Variants in CATSPER2 observed in about 807,000 individuals in gnomAD.
CATSPER2 encodes the protein cation channel sperm associated 2.
Under a neutral mutation model 68.8 loss-of-function variants are expected in CATSPER2, and 56 were observed. That is an observed-to-expected ratio of 0.81 (90% CI 0.66 to 1.02). CATSPER2 has a LOEUF of 1.02. Among genes scored for constraint, CATSPER2 ranks in the 50% least tolerant of loss-of-function variants. CATSPER2 has a pLI of 0.00. For missense variants in CATSPER2, 582 were observed against 642.0 expected (o/e 0.91, Z 1.01); for synonymous variants, 198 against 229.9 (o/e 0.86, Z 1.26).
intron 10 of CATSPER2, chr15:43,633,221 A>G: frequency 2.3e-6 from 1 of 436,442 alleles, no homozygotes; most frequent in Non-Finnish European, 4.2e-6. Context: ...CTAAGCTGTC[A>G]TCATTTCTTG....
At chr15:43,640,127 T>C (rs2086046591) in intron 5 of CATSPER2, 197 bp downstream of exon 5, 2 of 1,451,012 alleles carry the variant, frequency 1.4e-6, no homozygotes, top group East Asian at 2.5e-5. Flanking sequence ...TTGGCATTGA[T>C]GTTGTAGTTA....
At position 43,631,388 on chromosome 15, in the gene CATSPER2, G is replaced by A. The variant is rs575815506; in HGVS notation, c.1562-656C>T. ...TGGGACTACAGGCATGTGCCACAAC[G>A]TCCAGCTGATTTTTTGTATTTTAGT... On this transcript the variant is annotated intron_variant, in intron 12 of 12. Transcript: ENST00000396879. 15 of 188,662 alleles carry A rather than the reference G, an allele frequency of 8.0e-5. 1 individual carries two copies. Among genetic ancestry groups the A allele is most frequent in the African/African-American group, 3.1e-4 (13 of 41,842 alleles). 11.7% of individuals were successfully genotyped at this position (188,662 alleles called of 1,614,324 possible).
chr15:43,637,927 A>G (rs2085992693), intron 7 of CATSPER2, among the ~76,000 whole-genome samples: 1 of 151,308 alleles, frequency 6.6e-6, no homozygotes, highest in South Asian at 2.1e-4. Context: ...ATGAAGTAGC[A>G]CTGCTATTAT....
At chr15:43,648,331 T>A (rs1201527076) in intron 1 of CATSPER2, among the ~76,000 whole-genome samples, 1 of 151,832 alleles carries the variant, frequency 6.6e-6, no homozygotes, top group Admixed American at 6.6e-5. Context: ...TAATTAAAAC[T>A]CATTAAAAAC....
At chr15:43,641,784 C>T (rs1057205715) in intron 4 of CATSPER2, among the ~76,000 whole-genome samples, 4 of 151,986 alleles carry the variant, frequency 2.6e-5, no homozygotes, top group Admixed American at 6.5e-5. Context: ...TCACGGTTCA[C>T]GGAAGCCTGG....
intron 10 of CATSPER2, chr15:43,634,896 T>G (rs1433086736): frequency 5.0e-5 from 9 of 180,124 alleles, no homozygotes; most frequent in Non-Finnish European, 9.7e-5. Flanking sequence ...ATGAAGGTGT[T>G]GGCAGGGCCA....
Position 43,632,763 on chromosome 15 carries a change from G to A in CATSPER2, c.1350C>T (p.Ser450=), listed in dbSNP as rs762585148. ...YQSSSCVSST[S]SSYSSSSESR... ...ATTCAGAAGAGGAAGAATAGGAAGA[G>A]GATGTGGAGGAGACACAGGAGGAAG... Residue 450 remains serine (S), a synonymous_variant, in exon 11 of 13, where the codon TCC becomes TCT. Coordinates refer to ENST00000396879, the MANE Select transcript of CATSPER2 (RefSeq NM_172095.4). The A allele has an allele frequency of 1.7e-5, 28 of 1,613,544 alleles. No individual in the cohort carries two copies. Among genetic ancestry groups the A allele is most frequent in the Non-Finnish European group, 2.3e-5 (27 of 1,179,770 alleles).
At chr15:43,646,493 T>C (rs2086166634) in intron 4 of CATSPER2, among the ~76,000 whole-genome samples, 1 of 151,496 alleles carries the variant, frequency 6.6e-6, no homozygotes, top group African/African-American at 2.4e-5. Flanking sequence ...ATTCCTGACC[T>C]CAAGTGATTC....
At chr15:43,631,347 C>G (rs2085867666) in intron 12 of CATSPER2, 1 of 185,024 alleles carries the variant, frequency 5.4e-6, no homozygotes, top group South Asian at 1.3e-4. Flanking sequence ...TCTCATGCCT[C>G]AGCCTCCCGA....
chr15:43,632,007 A>C (rs1456540577), intron 12 of CATSPER2, among the ~76,000 whole-genome samples, 192 bp downstream of exon 12: 1 of 151,912 alleles, frequency 6.6e-6, no homozygotes, highest in African/African-American at 2.4e-5. Flanking sequence ...GTTCTCTCTC[A>C]GTTAGGGAAA....
At chr15:43,648,086 A>C in intron 1 of CATSPER2, 23 bp from the exon 2 acceptor site, 3 of 1,612,736 alleles carry the variant, frequency 1.9e-6, no homozygotes, top group Non-Finnish European at 2.5e-6. Flanking sequence ...TGTAAGCATC[A>C]AGTGTCATTT....
chr15:43,641,122 G>GTTT (rs199572819), intron 4 of CATSPER2, among the ~76,000 whole-genome samples: 1 of 144,074 alleles, frequency 6.9e-6, no homozygotes, highest in African/African-American at 2.5e-5. Context: ...TTTGTTTTTT[G>GTTT]TTTTTTTTTT....
At chr15:43,631,000 G>A (rs1204987098) in intron 12 of CATSPER2, among the ~76,000 whole-genome samples, 1 of 151,960 alleles carries the variant, frequency 6.6e-6, no homozygotes, top group Non-Finnish European at 1.5e-5. Flanking sequence ...AGAAGGAACA[G>A]GATTAAATTT....
At position 43,648,700 on chromosome 15, in the gene CATSPER2, C is replaced by G. The variant is rs2141588620; in HGVS notation, c.-74G>C. 1 of 1,460,734 alleles carries G rather than the reference C, an allele frequency of 6.8e-7. No homozygotes were observed. Among genetic ancestry groups the G allele is most frequent in the East Asian group, 2.6e-5 (1 of 37,910 alleles). The allele number at this position is 1,460,734 out of a possible 1,614,324, so 90.5% of individuals were successfully genotyped here. ...CGCCTCCAGCTCAGGTGCCCCGAGC[C>G]TGGCTACCCCTATGCAAGACGAGCT... On this transcript the variant is annotated 5_prime_UTR_variant, in exon 1 of 13. Coordinates refer to ENST00000396879, the MANE Select transcript of CATSPER2 (RefSeq NM_172095.4).
chr15:43,640,050 T>C, intron 5 of CATSPER2: 1 of 1,438,440 alleles, frequency 7.0e-7, no homozygotes, highest in Non-Finnish European at 9.2e-7. Context: ...AATGAGATAA[T>C]GTAAGGAAAA....
chr15:43,636,241 T>C lies in CATSPER2; in HGVS notation c.843-22A>G, dbSNP rs187345258. ...GTCCCTAAAGAAAAAGACATGTGAATAGACAGAAGCAGAGACCTAAACCTT... is the reference window on the plus strand; with the variant it reads ...GTCCCTAAAGAAAAAGACATGTGAACAGACAGAAGCAGAGACCTAAACCTT... On this transcript the variant is annotated intron_variant, in intron 7 of 12. Transcript: ENST00000396879. 8,062 of 1,612,646 alleles carry C rather than the reference T, an allele frequency of 5.0e-3. 120 individuals carry two copies. Among genetic ancestry groups the C allele is most frequent in the Middle Eastern group, 0.029 (174 of 6,060 alleles).
chr15:43,635,885 C>G, intron 8 of CATSPER2, 59 bp from the exon 9 acceptor site: 8 of 1,501,718 alleles, frequency 5.3e-6, no homozygotes, highest in South Asian at 2.3e-5. Context: ...GGGAAGAGGG[C>G]TTGGGTGGGG....
chr15:43,643,144 A>C (rs1319132620), intron 4 of CATSPER2: 2 of 151,984 alleles, frequency 1.3e-5, no homozygotes, highest in African/African-American at 4.8e-5. Context: ...TCCCTATTCT[A>C]GAAAAACAAC....
intron 3 of CATSPER2, 34 bp from the exon 4 acceptor site, chr15:43,647,152 T>A (rs551210570): frequency 1.3e-6 from 2 of 1,589,624 alleles, no homozygotes; most frequent in Admixed American, 3.3e-5. Context: ...CAGAGTGGAG[T>A]TCTTTCTGAT....
Sources: gnomAD v4.1 joint callset for allele counts (sites outside exome capture counted in the v4.1 genomes callset) on GRCh38, gnomAD v4.1.1 for gene constraint, MANE v1.5 for transcripts, NCBI Gene and HGNC (gene_info 2026-07-23, HGNC 2026-07-21) for gene names.